Variants in TM9SF2 observed in about 807,000 individuals in gnomAD.
TM9SF2 encodes the protein transmembrane 9 superfamily member 2.
In TM9SF2, 13 loss-of-function variants were observed where a neutral mutation model predicts 84.9. The ratio of observed to expected loss-of-function variants is 0.15; its 90% CI spans 0.10 to 0.24. TM9SF2 has a LOEUF of 0.24. Ranked by LOEUF, TM9SF2 falls within the 10% of genes least tolerant of loss-of-function variation. TM9SF2 has a pLI of 1.00. For synonymous variants in TM9SF2, 273 were observed against 285.8 expected (o/e 0.96, Z 0.45); for missense variants, 562 against 818.5 (o/e 0.69, Z 3.82).
intron 10 of TM9SF2, 40 bp from the exon 11 acceptor site, chr13:99,546,945 G>A: frequency 1.9e-6 from 3 of 1,612,130 alleles, no homozygotes; most frequent in Non-Finnish European, 2.5e-6. Context: ...AAAGGAAACA[G>A]AGTAATAACA....
At chr13:99,544,617 G>A (rs973305315) in intron 10 of TM9SF2, among the ~76,000 whole-genome samples, 2 of 152,150 alleles carry the variant, frequency 1.3e-5, no homozygotes, top group Non-Finnish European at 2.9e-5. Context: ...CCCAGGCATC[G>A]TGGGCAGGCA....
At chr13:99,537,967 A>G in intron 6 of TM9SF2, 104 bp downstream of exon 6, 3 of 1,417,330 alleles carry the variant, frequency 2.1e-6, no homozygotes, top group Non-Finnish European at 2.8e-6. Flanking sequence ...ACATTTCAGG[A>G]TTGATTTCAC....
At chr13:99,506,791 G>C (rs1307293714) in intron 1 of TM9SF2, among the ~76,000 whole-genome samples, 2 of 152,178 alleles carry the variant, frequency 1.3e-5, no homozygotes, top group Non-Finnish European at 2.9e-5. Flanking sequence ...GCACTACAGA[G>C]ATTGGTCTGT....
At chr13:99,536,884 AGC>A in intron 5 of TM9SF2, 147 bp downstream of exon 5, 1 of 833,674 alleles carries the variant, frequency 1.2e-6, no homozygotes, top group South Asian at 2.0e-5. Flanking sequence ...TTAAACTTAC[AGC>A]AGATTAATAA....
At chr13:99,539,881 A>G (rs1468594541) in intron 7 of TM9SF2, among the ~76,000 whole-genome samples, 2 of 152,240 alleles carry the variant, frequency 1.3e-5, no homozygotes, top group Non-Finnish European at 2.9e-5. Flanking sequence ...TGGGAAATCA[A>G]CACCGTACTT....
chr13:99,520,878 C>G (rs1370823892), intron 3 of TM9SF2, among the ~76,000 whole-genome samples: 2 of 152,180 alleles, frequency 1.3e-5, no homozygotes, highest in Non-Finnish European at 2.9e-5. Context: ...CCTAACCTTT[C>G]TATTTTGATG....
intron 1 of TM9SF2, among the ~76,000 whole-genome samples, chr13:99,504,754 T>C (rs1353904255): frequency 1.3e-5 from 2 of 152,242 alleles, no homozygotes; most frequent in Non-Finnish European, 2.9e-5. Flanking sequence ...GAGTATGTTT[T>C]CATGGCCTCC....
intron 11 of TM9SF2, 123 bp from the exon 12 acceptor site, chr13:99,549,042 C>T: frequency 4.3e-6 from 3 of 701,612 alleles, no homozygotes; most frequent in Non-Finnish European, 2.4e-6. Flanking sequence ...TTGCTAGTAC[C>T]ATTTTCTAGG....
At chr13:99,546,864 ACATGGT>A in intron 10 of TM9SF2, 115 bp from the exon 11 acceptor site, 1 of 1,358,612 alleles carries the variant, frequency 7.4e-7, no homozygotes, top group Non-Finnish European at 1.0e-6. Context: ...GTAGGAGAGC[ACATGGT>A]TTTGCGTGAA....
intron 2 of TM9SF2, among the ~76,000 whole-genome samples, chr13:99,517,904 CAAA>C (rs151314261): frequency 2.0e-5 from 3 of 152,010 alleles, no homozygotes; most frequent in African/African-American, 7.2e-5. Context: ...TCTGACTAAA[CAAA>C]AAGCTATTTT....
rs745869610 is a variant in TM9SF2, at chr13:99,547,142, A to G, written c.1270+38A>G. 4 of 1,609,100 alleles carry G rather than the reference A, an allele frequency of 2.5e-6. No homozygotes were observed. The East Asian group carries it at 8.9e-5, about 36-fold the overall frequency. The stretch of plus-strand genomic sequence containing the variant: ...CACTGTGACTGGCGTCTGATCAGGA[A>G]GGGACTCTGCTGCGGCTGTGGATCT... On this transcript the variant is annotated intron_variant, in intron 11 of 16. Coordinates refer to ENST00000376387, the MANE Select transcript of TM9SF2 (RefSeq NM_004800.3).
chr13:99,508,789 A>C (rs150092092), intron 1 of TM9SF2, among the ~76,000 whole-genome samples: 42 of 152,296 alleles, frequency 2.8e-4, no homozygotes, highest in African/African-American at 8.9e-4. Flanking sequence ...ACTCACCATC[A>C]TGAGGGCAGC....
At chr13:99,512,285 A>G (rs1019961751) in intron 1 of TM9SF2, among the ~76,000 whole-genome samples, 2 of 152,154 alleles carry the variant, frequency 1.3e-5, no homozygotes, top group Non-Finnish European at 2.9e-5. Context: ...ACTGTTTTCT[A>G]TTTTATTATG....
chr13:99,542,202 C>T (rs1222347999), intron 9 of TM9SF2, among the ~76,000 whole-genome samples: 1 of 151,840 alleles, frequency 6.6e-6, no homozygotes, highest in Non-Finnish European at 1.5e-5. Flanking sequence ...GGGAGCTGAC[C>T]TGTTCACAGC....
chr13:99,548,108 G>A (rs1389698243), intron 11 of TM9SF2, among the ~76,000 whole-genome samples: 1 of 151,524 alleles, frequency 6.6e-6, no homozygotes, highest in Non-Finnish European at 1.5e-5. Flanking sequence ...TGCCACACCA[G>A]CCTTACTTCA....
rs1209061520 is a variant in TM9SF2, at chr13:99,554,556, G to A, written c.1640+101G>A. ...TACTATTTGTATCCTGTAAATGTAA[G>A]CAGTTCTTCAGTAACCAGAAATCTT... On this transcript the variant is annotated intron_variant, in intron 14 of 16. Coordinates refer to ENST00000376387, the MANE Select transcript of TM9SF2 (RefSeq NM_004800.3). The A allele has an allele frequency of 2.4e-6, 3 of 1,273,792 alleles. No homozygotes were observed. In the African/African-American group the frequency reaches 4.6e-5, roughly 19 times the overall value. 78.9% of individuals were successfully genotyped at this position (1,273,792 alleles called of 1,614,324 possible). A position where few individuals can be genotyped will look rare whatever the true frequency, so the allele number is the denominator to read the frequency against.
chr13:99,542,678 T>C (rs2046265924), intron 9 of TM9SF2, among the ~76,000 whole-genome samples: 1 of 152,222 alleles, frequency 6.6e-6, no homozygotes, highest in Admixed American at 6.5e-5. Context: ...GTTTGTACTC[T>C]ATAGTCTCTT....
chr13:99,545,768 T>C (rs572012126), intron 10 of TM9SF2, among the ~76,000 whole-genome samples: 7 of 152,252 alleles, frequency 4.6e-5, no homozygotes, highest in Admixed American at 6.5e-5. Context: ...GGTTTCACCA[T>C]GTTGTCCAGG....
intron 11 of TM9SF2, among the ~76,000 whole-genome samples, chr13:99,548,030 C>T (rs1244226024): frequency 6.6e-6 from 1 of 152,192 alleles, no homozygotes; most frequent in African/African-American, 2.4e-5. Context: ...TTCCCCTTTA[C>T]TAAAGGAGGT....
Sources: gnomAD v4.1 joint callset for allele counts (sites outside exome capture counted in the v4.1 genomes callset) on GRCh38, gnomAD v4.1.1 for gene constraint, MANE v1.5 for transcripts, NCBI Gene and HGNC (gene_info 2026-07-23, HGNC 2026-07-21) for gene names.